SPAG16: variants seen among roughly 807,000 people sequenced by gnomAD.
The protein encoded by SPAG16 is sperm associated antigen 16.
A neutral mutation model predicts 80.4 loss-of-function variants in SPAG16; 86 were observed. The ratio of observed to expected loss-of-function variants is 1.07; its 90% CI spans 0.90 to 1.28. SPAG16 has a LOEUF of 1.28. Among genes scored for constraint, SPAG16 ranks in the 50% most tolerant of loss-of-function variants. The pLI is 0.00. For missense variants in SPAG16, 870 were observed against 765.3 expected (o/e 1.14, Z -1.61); for synonymous variants, 294 against 265.9 (o/e 1.11, Z -1.03).
Position 214,195,691 on chromosome 2 carries a change from T to G in SPAG16, c.1720+46425T>G, listed in dbSNP as rs141074183. Among the ~76,000 whole-genome samples the G allele has an allele frequency of 7.9e-3, 1,199 of 152,086 alleles. 9 individuals are homozygous for G. Among genetic ancestry groups the G allele is most frequent in the Middle Eastern group, 0.02 (6 of 294 alleles). ...AGGTCATTACTGAGATGAAGAAGAC[T>G]GGGCAAAAGTAGAAAACAGAATCAG... On this transcript the variant is annotated intron_variant, in intron 15 of 15. Coordinates refer to ENST00000331683, the MANE Select transcript of SPAG16 (RefSeq NM_024532.5).
At chr2:213,826,055 A>G (rs2073277995) in intron 10 of SPAG16, among the ~76,000 whole-genome samples, 1 of 151,918 alleles carries the variant, frequency 6.6e-6, no homozygotes, top group Non-Finnish European at 1.5e-5. Context: ...AGTTGTTCAT[A>G]GTATCCTGTA....
At chr2:214,260,264 A>G (rs1691041915) in intron 15 of SPAG16, among the ~76,000 whole-genome samples, 1 of 152,160 alleles carries the variant, frequency 6.6e-6, no homozygotes, top group Non-Finnish European at 1.5e-5. Context: ...AATCATCACT[A>G]AATAACTTAT....
intron 12 of SPAG16, among the ~76,000 whole-genome samples, chr2:213,964,060 G>A (rs969962332): frequency 2.0e-5 from 3 of 152,028 alleles, no homozygotes; most frequent in Admixed American, 6.5e-5. Context: ...TGCATTGATT[G>A]GTTGATAAAA....
At chr2:213,511,280 G>A (rs951281168) in intron 10 of SPAG16, among the ~76,000 whole-genome samples, 1 of 152,060 alleles carries the variant, frequency 6.6e-6, no homozygotes, top group Admixed American at 6.6e-5. Context: ...GATTCTTTGA[G>A]CTAGGATGAT....
chr2:213,764,713 A>T (rs1488191171), intron 10 of SPAG16, among the ~76,000 whole-genome samples: 1 of 152,184 alleles, frequency 6.6e-6, no homozygotes, highest in Non-Finnish European at 1.5e-5. Context: ...CCAAAAGCTA[A>T]TATTAATGAA....
intron 10 of SPAG16, among the ~76,000 whole-genome samples, chr2:213,783,010 T>C (rs1215644968): frequency 6.6e-6 from 1 of 151,406 alleles, no homozygotes; most frequent in African/African-American, 2.4e-5. Context: ...ACGTGTCATC[T>C]AGCATTAGGT....
intron 7 of SPAG16, among the ~76,000 whole-genome samples, chr2:213,362,714 T>G (rs549363893): frequency 1.1e-3 from 161 of 152,320 alleles, no homozygotes; most frequent in Non-Finnish European, 2.0e-3. Context: ...TCCCCAAAAT[T>G]GTCAAGGACA....
chr2:213,286,824 A>C (rs2062072820), intron 1 of SPAG16, among the ~76,000 whole-genome samples: 1 of 152,214 alleles, frequency 6.6e-6, no homozygotes, highest in South Asian at 2.1e-4. Flanking sequence ...TCTGCTTTTA[A>C]ATACTCAATT....
At chr2:214,151,964 A>T (rs557941548) in intron 15 of SPAG16, among the ~76,000 whole-genome samples, 1 of 152,324 alleles carries the variant, frequency 6.6e-6, no homozygotes, top group Non-Finnish European at 1.5e-5. Flanking sequence ...TAATGTCTCT[A>T]GATCAGTTTA....
chr2:214,138,515 A>G (rs2055179562), intron 14 of SPAG16, among the ~76,000 whole-genome samples: 1 of 152,156 alleles, frequency 6.6e-6, no homozygotes, highest in Admixed American at 6.6e-5. Flanking sequence ...CAAAATAGTC[A>G]ATATACCAAT....
intron 5 of SPAG16, among the ~76,000 whole-genome samples, chr2:213,322,357 CAA>C (rs55935607): frequency 0.45 from 32,308 of 71,040 alleles, 4,551 homozygotes; most frequent in South Asian, 0.62. Flanking sequence ...AAAAAAAAAA[CAA>C]AAAACTCGTT....
At position 214,125,999 on chromosome 2, in the gene SPAG16, TTTCC is replaced by T. The variant is rs869163622; in HGVS notation, c.1593+17797_1593+17800del. Among the ~76,000 whole-genome samples the T allele has an allele frequency of 6.5e-3, 593 of 91,650 alleles. 16 individuals are homozygous for T. Among genetic ancestry groups the T allele is most frequent in the African/African-American group, 0.022 (545 of 24,870 alleles). The allele number at this position is 91,650 out of a possible 152,430, so 60.1% of individuals were successfully genotyped here. ...GGCCTGACTTTCTTTTCCTTCCTTC[TTTCC>T]TTCCTTCCTTCCTTCCTTCCTTCCT... On this transcript the variant is annotated intron_variant, in intron 14 of 15. Coordinates refer to ENST00000331683, the MANE Select transcript of SPAG16 (RefSeq NM_024532.5).
At chr2:214,282,641 AT>A (rs1693040510) in intron 15 of SPAG16, among the ~76,000 whole-genome samples, 1 of 152,188 alleles carries the variant, frequency 6.6e-6, no homozygotes, top group South Asian at 2.1e-4. Context: ...TTTTTGATTA[AT>A]TTTTTTCTAC....
intron 13 of SPAG16, among the ~76,000 whole-genome samples, chr2:214,079,345 A>G (rs190785541): frequency 4.5e-4 from 68 of 152,328 alleles, no homozygotes; most frequent in African/African-American, 1.5e-3. Flanking sequence ...TTATATATCA[A>G]TGCCCTCGAG....
At chr2:213,933,697 G>A (rs1226813476) in intron 12 of SPAG16, among the ~76,000 whole-genome samples, 1 of 152,198 alleles carries the variant, frequency 6.6e-6, no homozygotes, top group Non-Finnish European at 1.5e-5. Context: ...ACAGCTTCTT[G>A]ACCCCTAATG....
chr2:214,058,187 A>G (rs1412570433), intron 13 of SPAG16, among the ~76,000 whole-genome samples: 1 of 152,166 alleles, frequency 6.6e-6, no homozygotes, highest in Non-Finnish European at 1.5e-5. Flanking sequence ...CACCCTGTGT[A>G]AGTGTACATG....
rs572766250 is a variant in SPAG16, at chr2:213,525,349, C to T, written c.1070+35259C>T. Among the ~76,000 whole-genome samples, 9 of 133,224 alleles carry T rather than the reference C, an allele frequency of 6.8e-5. No individual in the cohort carries two copies. In the South Asian group the frequency reaches 1.4e-3, roughly 21 times the overall value. The allele number at this position is 133,224 out of a possible 152,430, so 87.4% of individuals were successfully genotyped here. ...GTTCACCCAGGCTGGAGTGCAGTGG[C>T]GCGATCTTGGCTCACTGCAACCTCT... On this transcript the variant is annotated intron_variant, in intron 10 of 15. Transcript: ENST00000331683.
chr2:213,416,686 G>A (rs545331608), intron 9 of SPAG16, among the ~76,000 whole-genome samples: 76 of 152,298 alleles, frequency 5.0e-4, no homozygotes, highest in African/African-American at 1.3e-3. Flanking sequence ...ATCCCGGGGT[G>A]GGGGCTAAAG....
intron 10 of SPAG16, among the ~76,000 whole-genome samples, chr2:213,713,139 C>T (rs1429671834): frequency 1.3e-5 from 2 of 152,090 alleles, no homozygotes; most frequent in Non-Finnish European, 1.5e-5. Flanking sequence ...GGGAACCGCC[C>T]CCATGATCTA....
Sources: gnomAD v4.1 joint callset for allele counts (sites outside exome capture counted in the v4.1 genomes callset) on GRCh38, gnomAD v4.1.1 for gene constraint, MANE v1.5 for transcripts, NCBI Gene and HGNC (gene_info 2026-07-23, HGNC 2026-07-21) for gene names.